PCDH11Y: variants seen among roughly 807,000 people sequenced by gnomAD.
PCDH11Y encodes the protein protocadherin-11 Y-linked.
For missense variants in PCDH11Y, 12 were observed against 224.8 expected, an observed-to-expected ratio of 0.05 and a Z score of 6.05; for synonymous variants, 9 against 83.6, an observed-to-expected ratio of 0.11 and a Z score of 4.87.
intron 3 of PCDH11Y, among the ~76,000 whole-genome samples, chrY:5,043,923 G>A (rs2052623998): frequency 1.2e-4 from 4 of 33,220 alleles, no homozygotes; most frequent in Non-Finnish European, 3.0e-4. Context: ...ATTCTCTGAT[G>A]GTAGTTTGTA....
intron 2 of PCDH11Y, among the ~76,000 whole-genome samples, chrY:5,443,175 A>G: frequency 3.0e-5 from 1 of 32,826 alleles, no homozygotes; most frequent in Non-Finnish European, 7.6e-5. Flanking sequence ...CTTAATGAAT[A>G]TTTGGTGAGT....
chrY:5,410,664 T>A, intron 2 of PCDH11Y, among the ~76,000 whole-genome samples: 1 of 31,925 alleles, frequency 3.1e-5, no homozygotes, highest in East Asian at 8.4e-4. Flanking sequence ...ACAGGTAGTT[T>A]ATTGATCCTG....
chrY:5,723,946 C>G lies in PCDH11Y; in HGVS notation c.3353-13326C>G, dbSNP rs1602964375. 4.4e-4 allele frequency among the ~76,000 whole-genome samples: 15 copies of G among 34,345 alleles called. No individual in the cohort carries two copies. The South Asian group carries it at 9.7e-3, about 22-fold the overall frequency. 92.1% of individuals were successfully genotyped at this position (34,345 alleles called of 37,273 possible). On this transcript the variant is annotated intron_variant, in intron 4 of 4. Transcript: ENST00000400457. ...GAAAAACATAATAACTACAAACATA[C>G]ATGCACCTAACTCCAGTGCCACCAA...
chrY:5,320,796 G>A (rs2124665727), intron 2 of PCDH11Y, among the ~76,000 whole-genome samples: 1 of 33,292 alleles, frequency 3.0e-5, no homozygotes, highest in Non-Finnish European at 7.4e-5. Flanking sequence ...GGGAGAGTCT[G>A]TCTACCTTAT....
chrY:5,552,173 T>G, intron 3 of PCDH11Y, among the ~76,000 whole-genome samples: 1 of 32,614 alleles, frequency 3.1e-5, no homozygotes, highest in Non-Finnish European at 7.6e-5. Context: ...TTTTTAATAC[T>G]TTTGTATTAG....
intron 3 of PCDH11Y, among the ~76,000 whole-genome samples, chrY:5,038,469 A>G (rs2052602446): frequency 3.3e-5 from 1 of 30,016 alleles, no homozygotes; most frequent in Admixed American, 3.2e-4. Context: ...CCAAACTCCT[A>G]TCGACCCTAC....
chrY:5,242,785 A>T (rs2052990054), intron 2 of PCDH11Y, among the ~76,000 whole-genome samples: 58 of 33,594 alleles, frequency 1.7e-3, no homozygotes, highest in Non-Finnish European at 3.8e-3. Flanking sequence ...TTTGTTTTTC[A>T]AGCACATTAG....
chrY:5,695,076 TACACACACAC>T, intron 4 of PCDH11Y, among the ~76,000 whole-genome samples: 1 of 24,841 alleles, frequency 4.0e-5, no homozygotes, highest in Non-Finnish European at 9.8e-5. Flanking sequence ...ACCTGGTGTA[TACACACACAC>T]ACACACACAC....
chrY:5,389,393 C>T, intron 2 of PCDH11Y, among the ~76,000 whole-genome samples: 1 of 33,348 alleles, frequency 3.0e-5, no homozygotes. Context: ...GCAGTGAAAA[C>T]GTGAATAAAA....
At chrY:5,145,997 C>G (rs2052856636) in intron 2 of PCDH11Y, among the ~76,000 whole-genome samples, 18 of 33,437 alleles carry the variant, frequency 5.4e-4, no homozygotes, top group Admixed American at 1.6e-3. Flanking sequence ...GGCCACACAG[C>G]AGGAGGTCAG....
In PCDH11Y at chrY:5,208,223, G is replaced by A. The variant is rs369577538; in HGVS notation, c.3129+107516G>A. On this transcript the variant is annotated intron_variant, in intron 2 of 4. Transcript: ENST00000400457. The stretch of plus-strand genomic sequence containing the variant: ...AGACCCATTCACTGTCCGGAGAACA[G>A]TACGGGAAAGACCCACCCCCCTATT... Among the ~76,000 whole-genome samples the A allele has an allele frequency of 1.1e-3, 36 of 32,680 alleles. No homozygotes were observed. In the South Asian group the frequency reaches 0.013, roughly 12 times the overall value. The allele number at this position is 32,680 out of a possible 37,273, so 87.7% of individuals were successfully genotyped here.
At chrY:5,476,003 G>A in intron 2 of PCDH11Y, among the ~76,000 whole-genome samples, 1 of 32,908 alleles carries the variant, frequency 3.0e-5, no homozygotes, top group Non-Finnish European at 7.5e-5. Context: ...TGCAGGACTG[G>A]AAGTTGCTCT....
At chrY:5,293,298 T>C (rs2053070063) in intron 2 of PCDH11Y, among the ~76,000 whole-genome samples, 1 of 30,961 alleles carries the variant, frequency 3.2e-5, no homozygotes, top group East Asian at 8.5e-4. Context: ...CCTGGCTGAT[T>C]TTTGTATTTT....
chrY:5,063,946 A>G, intron 1 of PCDH11Y, among the ~76,000 whole-genome samples: 2 of 33,298 alleles, frequency 6.0e-5, no homozygotes, highest in African/African-American at 2.3e-4. Context: ...AATTAAAACT[A>G]TAAAAATATC....
At chrY:5,520,908 T>G in intron 3 of PCDH11Y, among the ~76,000 whole-genome samples, 1 of 31,434 alleles carries the variant, frequency 3.2e-5, no homozygotes, top group Non-Finnish European at 7.7e-5. Context: ...ATTTTTAAAT[T>G]TGATTATTTT....
intron 2 of PCDH11Y, among the ~76,000 whole-genome samples, chrY:5,159,883 T>G: frequency 3.3e-5 from 1 of 30,155 alleles, no homozygotes; most frequent in Non-Finnish European, 7.9e-5. Flanking sequence ...CTTCTTAACA[T>G]TTAGCTAATG....
chrY:5,386,370 T>C, intron 2 of PCDH11Y, among the ~76,000 whole-genome samples: 1 of 32,729 alleles, frequency 3.1e-5, no homozygotes, highest in Admixed American at 2.9e-4. Flanking sequence ...CCAGGTGTTC[T>C]TTGAGCTTTT....
chrY:5,306,519 A>G (rs2053090986), intron 2 of PCDH11Y, among the ~76,000 whole-genome samples: 1 of 32,970 alleles, frequency 3.0e-5, no homozygotes, highest in Non-Finnish European at 7.5e-5. Context: ...AAAGTACCCA[A>G]TGGGCTGAGT....
chrY:5,003,216 C>T, intron 1 of PCDH11Y, among the ~76,000 whole-genome samples: 1 of 35,409 alleles, frequency 2.8e-5, no homozygotes, highest in Non-Finnish European at 7.2e-5. Context: ...GTCTTCCCTC[C>T]TCCATTTCCT....
Sources: allele counts gnomAD v4.1 joint callset (sites outside exome capture counted in the v4.1 genomes callset), GRCh38; gene constraint gnomAD v4.1.1; transcripts MANE v1.5; gene names NCBI Gene and HGNC (gene_info 2026-07-23, HGNC 2026-07-21).